ATP6V1H: variants seen among roughly 807,000 people sequenced by gnomAD.
The protein encoded by ATP6V1H is ATPase H+ transporting V1 subunit H.
In ATP6V1H, 39 loss-of-function variants were observed where a neutral mutation model predicts 71.7. The observed-to-expected ratio is 0.54, with a 90% CI of 0.42 to 0.71. The LOEUF (loss-of-function observed/expected upper bound fraction) is 0.71. Ranked by LOEUF, ATP6V1H falls within the 30% of genes least tolerant of loss-of-function variation. ATP6V1H has a pLI of 0.00. For missense variants in ATP6V1H, 509 were observed against 594.9 expected, an observed-to-expected ratio of 0.86 and a Z score of 1.50; for synonymous variants, 192 against 199.3, an observed-to-expected ratio of 0.96 and a Z score of 0.31.
chr8:53,788,565 G>C (rs1809455055), intron 9 of ATP6V1H, among the ~76,000 whole-genome samples: 1 of 152,108 alleles, frequency 6.6e-6, no homozygotes, highest in African/African-American at 2.4e-5. Context: ...AATACATACT[G>C]TATATTTACT....
At chr8:53,819,139 G>C (rs1397779503) in intron 4 of ATP6V1H, among the ~76,000 whole-genome samples, 1 of 152,102 alleles carries the variant, frequency 6.6e-6, no homozygotes, top group Non-Finnish European at 1.5e-5. Flanking sequence ...CCAGGAGTTC[G>C]AGGCTGCAGT....
At chr8:53,752,438 T>C (rs1385295684) in intron 12 of ATP6V1H, among the ~76,000 whole-genome samples, 1 of 152,240 alleles carries the variant, frequency 6.6e-6, no homozygotes, top group Non-Finnish European at 1.5e-5. Context: ...TCCCAAACTC[T>C]CTGGCCAAGC....
At chr8:53,842,581 A>C (rs565871570) in intron 1 of ATP6V1H, 6 of 152,328 alleles carry the variant, frequency 3.9e-5, no homozygotes, top group African/African-American at 1.2e-4. Flanking sequence ...TTGCTGTATA[A>C]ACAACCCTGG....
intron 11 of ATP6V1H, among the ~76,000 whole-genome samples, chr8:53,762,586 A>G (rs1184313204): frequency 1.3e-5 from 2 of 152,216 alleles, no homozygotes; most frequent in African/African-American, 2.4e-5. Flanking sequence ...AAAATAATGA[A>G]CAGCAATTAA....
intron 5 of ATP6V1H, among the ~76,000 whole-genome samples, chr8:53,816,477 G>C (rs1026628822): frequency 2.0e-5 from 3 of 152,128 alleles, no homozygotes; most frequent in African/African-American, 7.2e-5. Context: ...TTCAGTACTA[G>C]GGCTTCCAAA....
chr8:53,808,794 C>T lies in ATP6V1H; in HGVS notation c.579+2370G>A, dbSNP rs1242415199. Among the ~76,000 whole-genome samples, 6 of 149,576 alleles carry T rather than the reference C, an allele frequency of 4.0e-5. 1 individual carries two copies. The Middle Eastern group carries it at 0.014, about 339-fold the overall frequency. On this transcript the variant is annotated intron_variant, in intron 7 of 13. Transcript: ENST00000359530. ...CCAACCTGGGTGACAGAGTGAGACTCCATCTCAAAAAAAAAAAAAACAAAA... is the reference window on the plus strand; with the variant it reads ...CCAACCTGGGTGACAGAGTGAGACTTCATCTCAAAAAAAAAAAAAACAAAA...
At chr8:53,828,642 T>C (rs1472813447) in intron 4 of ATP6V1H, among the ~76,000 whole-genome samples, 1 of 152,170 alleles carries the variant, frequency 6.6e-6, no homozygotes, top group Non-Finnish European at 1.5e-5. Context: ...ATCACTAGAT[T>C]CCTATAAAGG....
Position 53,742,896 on chromosome 8 carries a change from G to A in ATP6V1H, c.1391+681C>T, listed in dbSNP as rs118016092. On this transcript the variant is annotated intron_variant, in intron 13 of 13. Transcript: ENST00000359530. The stretch of plus-strand genomic sequence containing the variant: ...GAGGCTGGGGAATGGAGAGGCATTT[G>A]AACTGTTTAGGATACTGCTGAAGGC... Among the ~76,000 whole-genome samples the A allele has an allele frequency of 1.9e-3, 282 of 152,274 alleles. 1 individual carries two copies. The highest frequency in any genetic ancestry group is 3.4e-3 in the Middle Eastern group (1 of 294).
chr8:53,777,482 A>C (rs995135356), intron 9 of ATP6V1H, among the ~76,000 whole-genome samples: 3 of 152,096 alleles, frequency 2.0e-5, no homozygotes, highest in Non-Finnish European at 4.4e-5. Flanking sequence ...GAAAGTACCG[A>C]AAGAAAAAAA....
intron 6 of ATP6V1H, among the ~76,000 whole-genome samples, chr8:53,811,558 G>A (rs1325054914): frequency 6.6e-6 from 1 of 152,156 alleles, no homozygotes; most frequent in East Asian, 1.9e-4. Context: ...TAAAATGACT[G>A]CCTTAAATTG....
At chr8:53,759,215 T>C (rs554304515) in intron 11 of ATP6V1H, among the ~76,000 whole-genome samples, 2 of 152,358 alleles carry the variant, frequency 1.3e-5, no homozygotes, top group African/African-American at 2.4e-5. Context: ...AATGTGGACA[T>C]GATTTTAATT....
At chr8:53,745,987 G>A (rs1245973946) in intron 12 of ATP6V1H, among the ~76,000 whole-genome samples, 1 of 152,128 alleles carries the variant, frequency 6.6e-6, no homozygotes, top group Admixed American at 6.5e-5. Flanking sequence ...GAATAATGAG[G>A]ACCAAATACA....
intron 12 of ATP6V1H, 98 bp from the exon 13 acceptor site, chr8:53,743,788 TA>T (rs1807500415): frequency 1.4e-6 from 1 of 738,292 alleles, no homozygotes; most frequent in Non-Finnish European, 2.3e-6. Context: ...AAAAGGAAAG[TA>T]ACAATGTACG....
chr8:53,765,345 A>T lies in ATP6V1H; in HGVS notation c.1175+4273T>A, dbSNP rs1808413047. 2.0e-5 allele frequency among the ~76,000 whole-genome samples: 3 copies of T among 150,738 alleles called. No homozygotes were observed. In the South Asian group the frequency reaches 6.4e-4, roughly 32 times the overall value. ...CACCCGGGAGGCGGAGGCTGCAGTA[A>T]GCTGAAATTGCGCTATTGCACTCCA... On this transcript the variant is annotated intron_variant, in intron 11 of 13. Transcript: ENST00000359530.
intron 11 of ATP6V1H, among the ~76,000 whole-genome samples, chr8:53,759,326 T>C (rs2130266710): frequency 6.6e-6 from 1 of 152,386 alleles, no homozygotes; most frequent in East Asian, 1.9e-4. Context: ...TATTTCTGTG[T>C]CAAATCGTCA....
intron 2 of ATP6V1H, among the ~76,000 whole-genome samples, chr8:53,838,807 C>A (rs537256672): frequency 6.6e-6 from 1 of 152,154 alleles, no homozygotes; most frequent in African/African-American, 2.4e-5. Flanking sequence ...AGAACAAAAG[C>A]ATATTGGGCT....
intron 3 of ATP6V1H, chr8:53,831,725 T>C (rs1333207012): frequency 6.6e-6 from 1 of 151,004 alleles, no homozygotes; most frequent in Non-Finnish European, 1.5e-5. Context: ...CACGCTCAAA[T>C]AGTTTAATCA....
chr8:53,737,600 T>A (rs1213363601), intron 13 of ATP6V1H, among the ~76,000 whole-genome samples: 5 of 152,198 alleles, frequency 3.3e-5, no homozygotes, highest in Non-Finnish European at 5.9e-5. Context: ...GCAGTACAGA[T>A]CTGATACCGT....
intron 13 of ATP6V1H, among the ~76,000 whole-genome samples, chr8:53,721,509 CAT>C (rs1293727116): frequency 6.6e-6 from 1 of 152,140 alleles, no homozygotes; most frequent in African/African-American, 2.4e-5. Flanking sequence ...AGCTGCTTGA[CAT>C]ACATTTTCTT....
Sources: allele counts gnomAD v4.1 joint callset (sites outside exome capture counted in the v4.1 genomes callset), GRCh38; gene constraint gnomAD v4.1.1; transcripts MANE v1.5; gene names NCBI Gene and HGNC (gene_info 2026-07-23, HGNC 2026-07-21).